The following PIK3C2G variants were observed in gnomAD, a reference collection of about 807,000 sequenced individuals.
PIK3C2G encodes the protein phosphatidylinositol-4-phosphate 3-kinase catalytic subunit type 2 gamma.
Under a neutral mutation model 181.1 loss-of-function variants are expected in PIK3C2G, and 168 were observed. The ratio of observed to expected loss-of-function variants is 0.93; its 90% CI spans 0.82 to 1.05. PIK3C2G has a LOEUF of 1.05. PIK3C2G is among the 50% of genes least tolerant of loss of function. The probability of loss-of-function intolerance (pLI) is 0.00; values close to 1 mark genes in which losing one functional copy is unlikely to be tolerated. For missense variants in PIK3C2G, 1,869 were observed against 1,732.8 expected (o/e 1.08, Z -1.40); for synonymous variants, 573 against 592.2 (o/e 0.97, Z 0.47).
At chr12:18,563,292 G>A (rs1945444432) in intron 27 of PIK3C2G, 85 bp from the exon 28 acceptor site, 3 of 1,260,098 alleles carry the variant, frequency 2.4e-6, no homozygotes, top group Non-Finnish European at 2.2e-6. Flanking sequence ...TACTTCCTTT[G>A]TTTGGTTTAC....
intron 4 of PIK3C2G, among the ~76,000 whole-genome samples, chr12:18,292,227 A>AAAAAAAAAAAATATAT: frequency 1.2e-4 from 6 of 48,710 alleles, no homozygotes; most frequent in Non-Finnish European, 1.3e-4. Flanking sequence ...AAAAAAAAAA[A>AAAAAAAAAAAATATAT]ATATATATAT....
the PIK3C2G span, among the ~76,000 whole-genome samples, chr12:18,674,819 C>T: frequency 2.7e-4 from 41 of 152,242 alleles, no homozygotes; most frequent in South Asian, 1.7e-3. Flanking sequence ...CAGGCCTCAA[C>T]ACAGATTGCA....
chr12:18,515,052 C>T (rs547780280), intron 24 of PIK3C2G, among the ~76,000 whole-genome samples: 1 of 151,864 alleles, frequency 6.6e-6, no homozygotes, highest in Non-Finnish European at 1.5e-5. Flanking sequence ...TATTTATTTG[C>T]AGCTGAATCA....
At chr12:18,626,359 T>A (rs1447295307) in intron 31 of PIK3C2G, among the ~76,000 whole-genome samples, 1 of 152,026 alleles carries the variant, frequency 6.6e-6, no homozygotes, top group African/African-American at 2.4e-5. Flanking sequence ...TATATTATTT[T>A]GTAATATGTA....
At chr12:18,385,477 A>G (rs1943106102) in intron 14 of PIK3C2G, among the ~76,000 whole-genome samples, 2 of 152,128 alleles carry the variant, frequency 1.3e-5, no homozygotes, top group East Asian at 3.9e-4. Context: ...CCCGAATGCA[A>G]TCTAGTGGAA....
At chr12:18,530,545 T>C (rs1002647426) in intron 24 of PIK3C2G, among the ~76,000 whole-genome samples, 65 of 152,290 alleles carry the variant, frequency 4.3e-4, no homozygotes, top group African/African-American at 1.5e-3. Flanking sequence ...CCATAACCAC[T>C]TGATCTGGTT....
At chr12:18,415,542 T>G (rs1945126512) in intron 16 of PIK3C2G, among the ~76,000 whole-genome samples, 1 of 152,184 alleles carries the variant, frequency 6.6e-6, no homozygotes, top group South Asian at 2.1e-4. Context: ...AACCCTACAA[T>G]GGCCTCTAAG....
intron 18 of PIK3C2G, among the ~76,000 whole-genome samples, chr12:18,482,594 G>T (rs1264336583): frequency 6.6e-6 from 1 of 152,130 alleles, no homozygotes; most frequent in Non-Finnish European, 1.5e-5. Flanking sequence ...CTGCAGGGGT[G>T]CAAGAATGCA....
intron 29 of PIK3C2G, among the ~76,000 whole-genome samples, chr12:18,572,022 A>G (rs1429386507): frequency 1.3e-5 from 2 of 150,242 alleles, no homozygotes; most frequent in African/African-American, 5.0e-5. Flanking sequence ...AGGAATTACC[A>G]TAGACATTAA....
chr12:18,379,811 G>T (rs1262710468), intron 13 of PIK3C2G, among the ~76,000 whole-genome samples: 2 of 152,104 alleles, frequency 1.3e-5, no homozygotes, highest in Non-Finnish European at 2.9e-5. Flanking sequence ...ACGACTCCCA[G>T]TTGGCCCCAG....
At chr12:18,552,697 T>G (rs1944798381) in intron 26 of PIK3C2G, among the ~76,000 whole-genome samples, 1 of 152,172 alleles carries the variant, frequency 6.6e-6, no homozygotes, top group African/African-American at 2.4e-5. Flanking sequence ...TTATAAACTA[T>G]TTTTAACTGC....
chr12:18,693,906 A>G, the PIK3C2G span: 19 of 1,528,516 alleles, frequency 1.2e-5, no homozygotes, highest in Non-Finnish European at 1.7e-5. Context: ...CTGGCTGATG[A>G]TGTAACCCTG....
At chr12:18,687,391 C>T in the PIK3C2G span, among the ~76,000 whole-genome samples, 1 of 152,134 alleles carries the variant, frequency 6.6e-6, no homozygotes, top group Non-Finnish European at 1.5e-5. Context: ...AGATTCCAGA[C>T]TCAAGAATCA....
At chr12:18,346,975 C>T (rs1045627290) in intron 11 of PIK3C2G, 139 bp downstream of exon 11, 13 of 436,526 alleles carry the variant, frequency 3.0e-5, no homozygotes, top group Non-Finnish European at 8.0e-6. Context: ...TATCCATATT[C>T]TTAAAATCAC....
At chr12:18,348,188 T>C (rs1939861471) in intron 11 of PIK3C2G, among the ~76,000 whole-genome samples, 1 of 151,932 alleles carries the variant, frequency 6.6e-6, no homozygotes, top group African/African-American at 2.4e-5. Context: ...TGTCTATATG[T>C]AGAGAGACAA....
At position 18,354,860 on chromosome 12, in the gene PIK3C2G, G is replaced by A. The variant is rs551803124; in HGVS notation, c.1626-7904G>A. On this transcript the variant is annotated intron_variant, in intron 11 of 32. Transcript: ENST00000538779. ...TCAGCAAAAACTCAGATGTGAGGGAGGGGAAGCAGGCATCGCCCCTTTCTC... is the reference window on the plus strand; with the variant it reads ...TCAGCAAAAACTCAGATGTGAGGGAAGGGAAGCAGGCATCGCCCCTTTCTC... Among the ~76,000 whole-genome samples, 417 of 152,296 alleles carry A rather than the reference G, an allele frequency of 2.7e-3. 1 individual carries two copies. The highest frequency in any genetic ancestry group is 3.9e-3 in the Admixed American group (60 of 15,292).
chr12:18,244,778 C>T (rs10770325), upstream of PIK3C2G, among the ~76,000 whole-genome samples: 65,055 of 151,484 alleles, frequency 0.43, 14,467 homozygotes, highest in East Asian at 0.75. Flanking sequence ...GAACATTAAT[C>T]TCAGAAGTAA....
chr12:18,479,223 G>C (rs1018212493), intron 18 of PIK3C2G, among the ~76,000 whole-genome samples: 1 of 152,076 alleles, frequency 6.6e-6, no homozygotes, highest in Non-Finnish European at 1.5e-5. Context: ...AGACTTCAGA[G>C]TGTTAGGAAC....
the PIK3C2G span, among the ~76,000 whole-genome samples, chr12:18,681,336 T>A: frequency 2.0e-5 from 3 of 152,050 alleles, no homozygotes; most frequent in Non-Finnish European, 4.4e-5. Flanking sequence ...GTTTAAAAAA[T>A]CTTCTGTTGC....
Sources: gnomAD v4.1 joint callset for allele counts (sites outside exome capture counted in the v4.1 genomes callset) on GRCh38, gnomAD v4.1.1 for gene constraint, MANE v1.5 for transcripts, NCBI Gene and HGNC (gene_info 2026-07-23, HGNC 2026-07-21) for gene names.